The following FSD1L variants were observed in gnomAD, a reference collection of about 807,000 sequenced individuals.
FSD1L encodes the protein FSD1-like protein.
A neutral mutation model predicts 71.6 loss-of-function variants in FSD1L; 45 were observed. The observed-to-expected ratio is 0.63, with a 90% CI of 0.49 to 0.81. FSD1L has a LOEUF of 0.81. FSD1L is among the 30% of genes least tolerant of loss of function. FSD1L has a pLI of 0.00. For missense variants in FSD1L, 561 were observed against 618.1 expected (o/e 0.91, Z 0.98); for synonymous variants, 197 against 207.2 (o/e 0.95, Z 0.42).
rs1166449916 is a variant in FSD1L, at chr9:105,452,669, GCCTTCCTTCCTTCCTTCCTTCCTTCCTT to G, written c.15+4456_15+4483del. 9.0e-3 allele frequency among the ~76,000 whole-genome samples: 870 copies of G among 96,228 alleles called. 11 individuals carry two copies. The highest frequency in any genetic ancestry group is 0.035 in the African/African-American group (835 of 23,584). 63.1% of individuals were successfully genotyped at this position (96,228 alleles called of 152,430 possible). A position where few individuals can be genotyped will look rare whatever the true frequency, so the allele number is the denominator to read the frequency against. ...TGCCTGCCTGCCTGCCTGCCTGCCT[GCCTTCCTTCCTTCCTTCCTTCCTTCCTT>G]CCTTCCTTCCTTCCTTCCTTCTTTC... On this transcript the variant is annotated intron_variant, in intron 1 of 13. Transcript: ENST00000481272.
intron 10 of FSD1L, among the ~76,000 whole-genome samples, chr9:105,529,774 T>TAA (rs970488417): frequency 3.4e-5 from 5 of 146,794 alleles, no homozygotes; most frequent in Non-Finnish European, 7.5e-5. Flanking sequence ...ATAATAATAT[T>TAA]AAAAAAAAAA....
At chr9:105,499,709 C>T (rs1000126652) in intron 7 of FSD1L, among the ~76,000 whole-genome samples, 1 of 151,288 alleles carries the variant, frequency 6.6e-6, no homozygotes, top group East Asian at 1.9e-4. Flanking sequence ...CATCCTAGAT[C>T]TGTAGTTTGG....
At chr9:105,479,269 A>G (rs1832015990) in intron 5 of FSD1L, 85 bp from the exon 6 acceptor site, 1 of 1,237,768 alleles carries the variant, frequency 8.1e-7, no homozygotes, top group South Asian at 1.3e-5. Flanking sequence ...TTTATATCCT[A>G]ACTTTTCTTG....
At chr9:105,492,029 G>A (rs1832978005) in intron 7 of FSD1L, among the ~76,000 whole-genome samples, 3 of 151,894 alleles carry the variant, frequency 2.0e-5, no homozygotes, top group Admixed American at 2.0e-4. Flanking sequence ...GAGTTAGGGA[G>A]GATTCCTTCT....
At chr9:105,474,563 T>C (rs1383248609) in intron 5 of FSD1L, among the ~76,000 whole-genome samples, 1 of 152,214 alleles carries the variant, frequency 6.6e-6, no homozygotes, top group East Asian at 1.9e-4. Flanking sequence ...ACTTGCTGAC[T>C]GAATAGGGAG....
chr9:105,487,372 G>A (rs1051524861), intron 7 of FSD1L, among the ~76,000 whole-genome samples: 2 of 151,306 alleles, frequency 1.3e-5, no homozygotes, highest in African/African-American at 4.8e-5. Context: ...TATATGTACT[G>A]GAAAATATTT....
chr9:105,494,880 C>T (rs1255446749), intron 7 of FSD1L, among the ~76,000 whole-genome samples: 3 of 152,078 alleles, frequency 2.0e-5, no homozygotes, highest in African/African-American at 2.4e-5. Flanking sequence ...CAGAGGAGTA[C>T]CCGGCCGTGT....
intron 8 of FSD1L, among the ~76,000 whole-genome samples, chr9:105,507,889 CTTT>C (rs200267374): frequency 3.6e-4 from 39 of 109,206 alleles, no homozygotes; most frequent in East Asian, 5.2e-4. Context: ...TATCACTCTT[CTTT>C]TTTTTTTTTT....
At chr9:105,522,704 G>C in intron 10 of FSD1L, 1 of 1,609,330 alleles carries the variant, frequency 6.2e-7, no homozygotes, top group African/African-American at 1.3e-5. Flanking sequence ...AAGAGGACAT[G>C]AGCCAAAAAC....
At chr9:105,448,762 T>C (rs1312797215) in intron 1 of FSD1L, among the ~76,000 whole-genome samples, 1 of 152,196 alleles carries the variant, frequency 6.6e-6, no homozygotes, top group East Asian at 1.9e-4. Context: ...TTTTCCTAAG[T>C]AGATCTTAGT....
At chr9:105,521,209 A>G in intron 10 of FSD1L, 3 of 1,614,210 alleles carry the variant, frequency 1.9e-6, no homozygotes, top group Admixed American at 3.3e-5. Context: ...CCAAAACCAC[A>G]TACAGGACCT....
At chr9:105,540,741 C>T (rs1303397827) in intron 13 of FSD1L, among the ~76,000 whole-genome samples, 7 of 152,108 alleles carry the variant, frequency 4.6e-5, no homozygotes, top group Non-Finnish European at 7.4e-5. Context: ...TATGTATGCA[C>T]ACCACATAGC....
intron 10 of FSD1L, chr9:105,525,648 T>C: frequency 6.2e-7 from 1 of 1,611,594 alleles, no homozygotes; most frequent in Non-Finnish European, 8.5e-7. Context: ...GGAACTTGGA[T>C]TCAAGGCAGT....
At chr9:105,487,112 T>C (rs974297525) in intron 7 of FSD1L, among the ~76,000 whole-genome samples, 3 of 152,202 alleles carry the variant, frequency 2.0e-5, no homozygotes, top group African/African-American at 7.2e-5. Flanking sequence ...TAACAGTATG[T>C]AGGAGTTCAT....
At chr9:105,526,158 T>C in intron 10 of FSD1L, 4 of 1,581,180 alleles carry the variant, frequency 2.5e-6, no homozygotes, top group Non-Finnish European at 3.5e-6. Flanking sequence ...TTCTACCCAT[T>C]ATGGTTAGAG....
chr9:105,444,073 T>C (rs535480305), upstream of FSD1L, among the ~76,000 whole-genome samples: 43 of 152,212 alleles, frequency 2.8e-4, no homozygotes, highest in African/African-American at 8.9e-4. Flanking sequence ...CTAGTGATTA[T>C]ACTCCAGAAA....
chr9:105,534,614 T>A (rs1294853013), intron 11 of FSD1L, 21 bp downstream of exon 11: 3 of 1,369,474 alleles, frequency 2.2e-6, no homozygotes, highest in Non-Finnish European at 3.0e-6. Flanking sequence ...ACATAATTGT[T>A]TTTCATTATC....
At chr9:105,534,041 A>G (rs905739332) in intron 10 of FSD1L, among the ~76,000 whole-genome samples, 17 of 152,192 alleles carry the variant, frequency 1.1e-4, no homozygotes, top group African/African-American at 3.9e-4. Context: ...TCTATTTTTA[A>G]GAAGGTAAGA....
At position 105,525,066 on chromosome 9, in the gene FSD1L, A is replaced by G. The variant is rs564380888; in HGVS notation, c.1026-9427A>G. 8.6e-4 allele frequency: 1,351 copies of G among 1,576,608 alleles called. 2 individuals are homozygous for G. Among genetic ancestry groups the G allele is most frequent in the Non-Finnish European group, 1.1e-3 (1,241 of 1,161,576 alleles). The stretch of plus-strand genomic sequence containing the variant: ...ATCATAGTACGTGATCTCTCTGGAA[A>G]ATATTCATGGGATTCTGCTATACTG... On this transcript the variant is annotated intron_variant, in intron 10 of 13. Transcript: ENST00000481272.
Sources: allele counts gnomAD v4.1 joint callset (sites outside exome capture counted in the v4.1 genomes callset), GRCh38; gene constraint gnomAD v4.1.1; transcripts MANE v1.5; gene names NCBI Gene and HGNC (gene_info 2026-07-23, HGNC 2026-07-21).